PLCL1: variants seen among roughly 807,000 people sequenced by gnomAD.
PLCL1 encodes the protein inactive phospholipase C-like protein 1.
Under a neutral mutation model 84.4 loss-of-function variants are expected in PLCL1, and 41 were observed. That is an observed-to-expected ratio of 0.49 (90% CI 0.38 to 0.63). The LOEUF is 0.63. Ranked by LOEUF, PLCL1 falls within the 30% of genes least tolerant of loss-of-function variation. The pLI is 0.00. For synonymous variants in PLCL1, 490 were observed against 488.3 expected (o/e 1.00, Z -0.05); for missense variants, 1,206 against 1,367.8 (o/e 0.88, Z 1.87).
chr2:198,113,684 T>A (rs1385477181), intron 5 of PLCL1, among the ~76,000 whole-genome samples: 1 of 151,874 alleles, frequency 6.6e-6, no homozygotes, highest in African/African-American at 2.4e-5. Flanking sequence ...CAAAACAATT[T>A]GAAAATAATG....
intron 5 of PLCL1, among the ~76,000 whole-genome samples, chr2:198,113,982 T>C (rs997491776): frequency 2.6e-5 from 4 of 151,750 alleles, no homozygotes; most frequent in African/African-American, 7.3e-5. Flanking sequence ...ATTTCTACAA[T>C]TTAAAGCTGA....
intron 1 of PLCL1, among the ~76,000 whole-genome samples, chr2:197,883,506 A>G (rs1687866695): frequency 6.6e-6 from 1 of 152,110 alleles, no homozygotes; most frequent in South Asian, 2.1e-4. Flanking sequence ...AAAACTTATT[A>G]TTTTCCTACA....
intron 1 of PLCL1, among the ~76,000 whole-genome samples, chr2:197,945,362 G>C (rs772835688): frequency 6.6e-6 from 1 of 152,100 alleles, no homozygotes; most frequent in South Asian, 2.1e-4. Flanking sequence ...TCTAAGATAC[G>C]TATGCTTTTT....
At chr2:197,937,471 C>A (rs1351480723) in intron 1 of PLCL1, among the ~76,000 whole-genome samples, 1 of 152,102 alleles carries the variant, frequency 6.6e-6, no homozygotes, top group Non-Finnish European at 1.5e-5. Context: ...TTGTAGTTTT[C>A]ATTGTACAGA....
chr2:198,121,207 G>A (rs771237139), intron 5 of PLCL1, among the ~76,000 whole-genome samples: 5 of 151,966 alleles, frequency 3.3e-5, no homozygotes, highest in Non-Finnish European at 1.5e-5. Context: ...TATGTATTCC[G>A]ATTATTAATC....
intron 1 of PLCL1, among the ~76,000 whole-genome samples, chr2:197,967,287 C>G (rs1196736900): frequency 6.6e-6 from 1 of 152,196 alleles, no homozygotes; most frequent in Non-Finnish European, 1.5e-5. Flanking sequence ...ACCTCCGCCT[C>G]TCAGGTTCAA....
At chr2:198,029,671 TTCTTC>T (rs144333286) in intron 1 of PLCL1, among the ~76,000 whole-genome samples, 73 of 150,514 alleles carry the variant, frequency 4.9e-4, no homozygotes, top group East Asian at 9.9e-4. Flanking sequence ...TCTTCCTTCC[TTCTTC>T]TCTTCTCTTC....
chr2:198,140,166 T>A (rs1230510215), intron 5 of PLCL1, among the ~76,000 whole-genome samples: 2 of 152,160 alleles, frequency 1.3e-5, no homozygotes, highest in African/African-American at 4.8e-5. Context: ...ACTTCTTTTT[T>A]AAGCTCTGGT....
chr2:198,036,916 C>T (rs957556791), intron 1 of PLCL1, among the ~76,000 whole-genome samples: 1 of 152,166 alleles, frequency 6.6e-6, no homozygotes, highest in Non-Finnish European at 1.5e-5. Flanking sequence ...GGGCAACATC[C>T]CAGAGGCTGG....
intron 1 of PLCL1, among the ~76,000 whole-genome samples, chr2:197,835,790 G>T (rs1006381501): frequency 6.6e-6 from 1 of 152,192 alleles, no homozygotes; most frequent in Non-Finnish European, 1.5e-5. Flanking sequence ...TAGAAATATA[G>T]AATGTTCTCA....
intron 1 of PLCL1, among the ~76,000 whole-genome samples, chr2:197,965,345 C>T (rs1348374344): frequency 6.6e-6 from 1 of 152,084 alleles, no homozygotes; most frequent in Non-Finnish European, 1.5e-5. Flanking sequence ...AATTTATTGG[C>T]ATATAGTTGC....
At chr2:197,890,394 C>T (rs1472189882) in intron 1 of PLCL1, among the ~76,000 whole-genome samples, 2 of 152,044 alleles carry the variant, frequency 1.3e-5, no homozygotes, top group Non-Finnish European at 2.9e-5. Flanking sequence ...GCAACACCAA[C>T]CTTTGGATCA....
Position 198,084,413 on chromosome 2 carries a change from C to T in PLCL1, c.896C>T (p.Thr299Ile). The T allele has an allele frequency of 1.2e-6, 2 of 1,614,116 alleles. No individual in the cohort carries two copies. The highest frequency in any genetic ancestry group is 1.1e-5 in the South Asian group (1 of 91,082). ...AAGGAAAAACTAACCACCCGCGTGA[C>T]CGAAGAGGAATTTTGTGAAGCTTTT... ...KSKEKLTTRV[T>I]EEEFCEAFCE... Residue 299 changes from threonine (T) to isoleucine (I), a missense_variant, in exon 2 of 6, where the codon ACC becomes ATC. Thr to Ile is a moderately conservative substitution (Grantham distance 89, BLOSUM62 -1). Coordinates refer to ENST00000428675, the MANE Select transcript of PLCL1 (RefSeq NM_006226.4).
chr2:198,029,754 G>T (rs1203150382), intron 1 of PLCL1, among the ~76,000 whole-genome samples: 3 of 151,454 alleles, frequency 2.0e-5, no homozygotes, highest in Non-Finnish European at 2.9e-5. Flanking sequence ...AGGCTGGAAT[G>T]CAGTGGCGCA....
chr2:198,071,542 T>C (rs1692464149), intron 1 of PLCL1, among the ~76,000 whole-genome samples: 1 of 151,828 alleles, frequency 6.6e-6, no homozygotes, highest in South Asian at 2.1e-4. Context: ...TCTATACCTT[T>C]GTAAACATAT....
intron 1 of PLCL1, among the ~76,000 whole-genome samples, chr2:197,989,173 T>C (rs1365117462): frequency 1.3e-5 from 2 of 152,216 alleles, no homozygotes; most frequent in African/African-American, 4.8e-5. Flanking sequence ...TTCTTATTAC[T>C]ATTCATTCAT....
At chr2:197,982,736 G>A (rs1690135208) in intron 1 of PLCL1, among the ~76,000 whole-genome samples, 1 of 152,188 alleles carries the variant, frequency 6.6e-6, no homozygotes, top group Admixed American at 6.5e-5. Context: ...CTGATCTGCT[G>A]AGGGAGTAGC....
rs184185216 is a variant in PLCL1 at position 198,129,697 on chromosome 2, G to A, written c.3106-17083G>A. ...TTTCATCAACAATATGTATACAAAC[G>A]GGCTTTTCTAAAGGACTTTCAGCCC... On this transcript the variant is annotated intron_variant, in intron 5 of 5. Coordinates refer to ENST00000428675, the MANE Select transcript of PLCL1 (RefSeq NM_006226.4). Among the ~76,000 whole-genome samples, 120 of 152,094 alleles carry A rather than the reference G, an allele frequency of 7.9e-4. 1 individual carries two copies. The highest frequency in any genetic ancestry group is 2.1e-3 in the African/African-American group (86 of 41,482).
chr2:197,972,738 A>T (rs1045642979), intron 1 of PLCL1, among the ~76,000 whole-genome samples: 4 of 152,158 alleles, frequency 2.6e-5, no homozygotes, highest in African/African-American at 9.7e-5. Context: ...AGTAAAACAA[A>T]TTATTATTTT....
Sources: gnomAD v4.1 joint callset for allele counts (sites outside exome capture counted in the v4.1 genomes callset) on GRCh38, gnomAD v4.1.1 for gene constraint, MANE v1.5 for transcripts, NCBI Gene and HGNC (gene_info 2026-07-23, HGNC 2026-07-21) for gene names.